IL2RB: variants seen among roughly 807,000 people sequenced by gnomAD.
IL2RB encodes the protein interleukin-2 receptor subunit beta.
A neutral mutation model predicts 44.2 loss-of-function variants in IL2RB; 17 were observed. That is an observed-to-expected ratio of 0.38 (90% CI 0.26 to 0.58). IL2RB has a LOEUF of 0.58. Among genes scored for constraint, IL2RB ranks in the 20% least tolerant of loss-of-function variants. The pLI, the probability that IL2RB is intolerant of heterozygous loss-of-function variation, is 0.63. For synonymous variants in IL2RB, 286 were observed against 297.9 expected, an observed-to-expected ratio of 0.96 and a Z score of 0.41; for missense variants, 624 against 685.5, an observed-to-expected ratio of 0.91 and a Z score of 1.00.
chr22:37,163,935 G>A (rs1922970591), intron 1 of IL2RB, among the ~76,000 whole-genome samples: 1 of 152,246 alleles, frequency 6.6e-6, no homozygotes, highest in African/African-American at 2.4e-5. Context: ...CGGCCCCAAA[G>A]TGGAGCTCAG....
At chr22:37,156,984 A>C (rs1168473461) in intron 1 of IL2RB, among the ~76,000 whole-genome samples, 2 of 152,086 alleles carry the variant, frequency 1.3e-5, no homozygotes, top group Non-Finnish European at 2.9e-5. Context: ...AGCTGGAAAA[A>C]AAGTCCTGCC....
intron 9 of IL2RB, among the ~76,000 whole-genome samples, chr22:37,131,948 C>A (rs1358774106): frequency 6.6e-6 from 1 of 152,108 alleles, no homozygotes; most frequent in African/African-American, 2.4e-5. Flanking sequence ...GTTGGTCAGG[C>A]TGGTCTCGAA....
Position 37,127,381 on chromosome 22 carries a change from C to T in IL2RB, c.*715G>A, listed in dbSNP as rs936616299. On this transcript the variant is annotated 3_prime_UTR_variant, in exon 10 of 10. Coordinates refer to ENST00000216223, the MANE Select transcript of IL2RB (RefSeq NM_000878.5). ...GCAGATTAAGGGAGGCAGTGCTTCC[C>T]TCCAGGAGAAGCAAAACCGGCACTT... is the stretch of plus-strand genomic sequence containing the variant. 2.6e-5 allele frequency: 4 copies of T among 152,232 alleles called. No homozygotes were observed. Among genetic ancestry groups the T allele is most frequent in the Non-Finnish European group, 5.9e-5 (4 of 68,054 alleles). 9.4% of individuals were successfully genotyped at this position (152,232 alleles called of 1,614,324 possible).
intron 5 of IL2RB, among the ~76,000 whole-genome samples, chr22:37,138,665 C>T (rs1379375652): frequency 6.6e-6 from 1 of 152,218 alleles, no homozygotes; most frequent in African/African-American, 2.4e-5. Flanking sequence ...GCAGTAACAA[C>T]CCAGGACATA....
intron 7 of IL2RB, 37 bp downstream of exon 7, chr22:37,136,191 G>T: frequency 6.3e-7 from 1 of 1,582,362 alleles, no homozygotes; most frequent in Non-Finnish European, 8.6e-7. Flanking sequence ...GCCCCCTCCT[G>T]CCTGAGCCCC....
chr22:37,154,388 G>A (rs1261550346), upstream of IL2RB, among the ~76,000 whole-genome samples: 1 of 152,122 alleles, frequency 6.6e-6, no homozygotes, highest in African/African-American at 2.4e-5. Flanking sequence ...CCAGGCCATG[G>A]CGTGCACCCT....
At chr22:37,156,253 T>C (rs1345036132) in intron 1 of IL2RB, among the ~76,000 whole-genome samples, 1 of 152,166 alleles carries the variant, frequency 6.6e-6, no homozygotes, top group Non-Finnish European at 1.5e-5. Flanking sequence ...CCAAGACCCC[T>C]TGAACTTCCA....
chr22:37,133,094 C>G (rs1341015920), intron 8 of IL2RB, among the ~76,000 whole-genome samples: 2 of 152,178 alleles, frequency 1.3e-5, no homozygotes, highest in Non-Finnish European at 2.9e-5. Context: ...CTGGTGGAGG[C>G]CCTCAAGGGC....
At chr22:37,143,312 G>C (rs1922055880) in intron 3 of IL2RB, among the ~76,000 whole-genome samples, 3 of 152,124 alleles carry the variant, frequency 2.0e-5, no homozygotes, top group African/African-American at 7.2e-5. Flanking sequence ...ACTCCACCCA[G>C]GTTCTAGAAG....
intron 1 of IL2RB, among the ~76,000 whole-genome samples, chr22:37,169,784 C>T (rs1923212673): frequency 6.6e-6 from 1 of 152,210 alleles, no homozygotes; most frequent in Non-Finnish European, 1.5e-5. Context: ...TTTACCCTTG[C>T]TTTCTGATGG....
chr22:37,137,016 C>T (rs1216475997), intron 6 of IL2RB, among the ~76,000 whole-genome samples: 1 of 152,178 alleles, frequency 6.6e-6, no homozygotes, highest in African/African-American at 2.4e-5. Flanking sequence ...CTTGATGGAA[C>T]TTATCACTAT....
chr22:37,160,625 T>C (rs1601611708), intron 1 of IL2RB, among the ~76,000 whole-genome samples: 1 of 151,094 alleles, frequency 6.6e-6, no homozygotes, highest in Admixed American at 6.6e-5. Flanking sequence ...GTGGATTGCT[T>C]GAGCTCAGGA....
chr22:37,139,289 G>A lies in IL2RB; in HGVS notation c.283-67C>T, dbSNP rs767662548. ...CAGGCAGGGGAAGGGGGAGGCCACC[G>A]GGATGACCTGGGAAGGATGGCAGCC... On this transcript the variant is annotated intron_variant, in intron 4 of 9. Coordinates refer to ENST00000216223, the MANE Select transcript of IL2RB (RefSeq NM_000878.5). The A allele has an allele frequency of 1.1e-4, 107 of 1,008,416 alleles. 1 individual carries two copies. The South Asian group carries it at 1.3e-3, about 12-fold the overall frequency. The allele number at this position is 1,008,416 out of a possible 1,614,324, so 62.5% of individuals were successfully genotyped here. A position where few individuals can be genotyped will look rare whatever the true frequency, so the allele number is the denominator to read the frequency against.
Position 37,135,409 on chromosome 22 carries a change from T to C in IL2RB, c.737A>G (p.His246Arg). The change falls in exon 8 of 10, where the codon CAC becomes CGC. Residue 246 changes from histidine to arginine, a missense_variant. By Grantham distance (29) the His-to-Arg change is conservative. This residue lies in a region of IL2RB where 255 missense variants were observed against 339.9 expected (regional missense o/e 0.75). Coordinates refer to ENST00000216223, the MANE Select transcript of IL2RB (RefSeq NM_000878.5). ...LGKDTIPWLG[H>R]LLVGLSGAFG... is the part of the protein sequence containing the mutation. ...AGCCCCGCTGAGGCCCACGAGGAGG[T>C]GGCCGAGCCACGGAATGGTGTCCTT... The C allele has an allele frequency of 6.2e-7, 1 of 1,613,376 alleles. No homozygotes were observed. Among genetic ancestry groups the C allele is most frequent in the Non-Finnish European group, 8.5e-7 (1 of 1,179,628 alleles).
chr22:37,154,162 A>C (rs1922590087), upstream of IL2RB, among the ~76,000 whole-genome samples: 1 of 152,160 alleles, frequency 6.6e-6, no homozygotes, highest in Non-Finnish European at 1.5e-5. Context: ...TGGGGAGCAG[A>C]ATGGGGGATG....
chr22:37,171,874 T>C (rs945991749), intron 1 of IL2RB, among the ~76,000 whole-genome samples: 3 of 152,198 alleles, frequency 2.0e-5, no homozygotes, highest in Non-Finnish European at 4.4e-5. Context: ...CCCAAACACA[T>C]ATGGGCAGAG....
intron 1 of IL2RB, among the ~76,000 whole-genome samples, chr22:37,144,671 G>A (rs548736903): frequency 1.5e-4 from 23 of 152,286 alleles, no homozygotes; most frequent in Non-Finnish European, 3.2e-4. Context: ...CTTGAACCTG[G>A]AGGCGGAGTT....
At chr22:37,145,436 T>C (rs1336444497) in intron 1 of IL2RB, among the ~76,000 whole-genome samples, 1 of 151,960 alleles carries the variant, frequency 6.6e-6, no homozygotes, top group East Asian at 1.9e-4. Flanking sequence ...TTACTTTTTT[T>C]TTTTGAGACA....
chr22:37,148,949 C>T (rs1177532693), intron 1 of IL2RB, among the ~76,000 whole-genome samples: 1 of 152,104 alleles, frequency 6.6e-6, no homozygotes. Flanking sequence ...TCTCTGGCCA[C>T]CTCCACCTGC....
Sources: gnomAD v4.1 joint callset for allele counts (sites outside exome capture counted in the v4.1 genomes callset) on GRCh38, gnomAD v4.1.1 for gene constraint, gnomAD v4.1.1 regional missense constraint, MANE v1.5 for transcripts, NCBI Gene and HGNC (gene_info 2026-07-23, HGNC 2026-07-21) for gene names.